The following WDR7 variants were observed in gnomAD, a reference collection of about 807,000 sequenced individuals.
WDR7 encodes WD repeat domain 7, also known as WD repeat-containing protein 7.
A neutral mutation model predicts 169.4 loss-of-function variants in WDR7; 46 were observed. The ratio of observed to expected loss-of-function variants is 0.27; its 90% confidence interval spans 0.21 to 0.35. The LOEUF (loss-of-function observed/expected upper bound fraction) is 0.35, where lower values mean the gene tolerates loss of function less well. WDR7 is among the 10% of genes least tolerant of loss of function. The pLI, the probability that WDR7 is intolerant of heterozygous loss-of-function variation, is 1.00. For missense variants in WDR7, 1,534 were observed against 1,859.3 expected (o/e 0.83, Z 3.22); for synonymous variants, 612 against 666.8 (o/e 0.92, Z 1.27).
chr18:56,754,336 T>C (rs1244334060), intron 14 of WDR7, among the ~76,000 whole-genome samples: 3 of 151,104 alleles, frequency 2.0e-5, no homozygotes, highest in African/African-American at 7.3e-5. Context: ...TATATATACG[T>C]ATATATGTGT....
chr18:56,668,040 A>G (rs532191729), intron 1 of WDR7, among the ~76,000 whole-genome samples: 16 of 151,766 alleles, frequency 1.1e-4, no homozygotes, highest in Non-Finnish European at 2.1e-4. Context: ...CTTCTGCAGA[A>G]CTCCAGTAGC....
At chr18:56,955,177 A>G (rs962144171) in intron 25 of WDR7, among the ~76,000 whole-genome samples, 1 of 152,164 alleles carries the variant, frequency 6.6e-6, no homozygotes, top group African/African-American at 2.4e-5. Context: ...TATAGAATAC[A>G]TTTCATGATA....
chr18:57,006,621 G>A (rs966743425), intron 26 of WDR7, among the ~76,000 whole-genome samples: 1 of 152,112 alleles, frequency 6.6e-6, no homozygotes, highest in Non-Finnish European at 1.5e-5. Flanking sequence ...TTTAGTGATA[G>A]GATATTCACT....
At chr18:56,804,263 T>C (rs1449526117) in intron 19 of WDR7, among the ~76,000 whole-genome samples, 2 of 152,228 alleles carry the variant, frequency 1.3e-5, no homozygotes, top group Non-Finnish European at 2.9e-5. Flanking sequence ...TGAGCCATAA[T>C]CTTGAAACAC....
At chr18:56,927,878 G>A (rs2046829006) in intron 22 of WDR7, among the ~76,000 whole-genome samples, 1 of 152,124 alleles carries the variant, frequency 6.6e-6, no homozygotes, top group African/African-American at 2.4e-5. Context: ...GACAAGATCT[G>A]CCCCAAAATA....
chr18:56,797,762 TAA>T (rs35180187), intron 19 of WDR7, among the ~76,000 whole-genome samples: 11,152 of 152,144 alleles, frequency 0.073, 483 homozygotes, highest in Middle Eastern at 0.15. Flanking sequence ...ATCTAAAAAA[TAA>T]GTCAGCTAAA....
chr18:56,800,775 T>C (rs1173475286), intron 19 of WDR7, among the ~76,000 whole-genome samples: 1 of 152,268 alleles, frequency 6.6e-6, no homozygotes, highest in African/African-American at 2.4e-5. Flanking sequence ...TCTTTTTTTC[T>C]TAAAGCACTT....
At position 57,027,529 on chromosome 18, in the gene WDR7, A is replaced by C; in HGVS notation, c.*322A>C. The C allele has an allele frequency of 2.7e-6, 1 of 374,840 alleles. No homozygotes were observed. Among genetic ancestry groups the C allele is most frequent in the East Asian group, 6.0e-5 (1 of 16,766 alleles). 23.2% of individuals were successfully genotyped at this position (374,840 alleles called of 1,614,324 possible). On this transcript the variant is annotated 3_prime_UTR_variant, in exon 28 of 28. Transcript: ENST00000254442. ...TGCTTGGTGCAACAGAAGCACAAAA[A>C]TCAATAAACACTGTGATTGCACTCC...
At chr18:56,691,619 C>T in intron 8 of WDR7, 96 bp from the exon 9 acceptor site, 1 of 1,006,220 alleles carries the variant, frequency 9.9e-7, no homozygotes, top group Non-Finnish European at 1.4e-6. Flanking sequence ...TTTAAAAATC[C>T]CCTTTTTGTC....
chr18:56,680,048 C>T (rs2025322813), intron 3 of WDR7, among the ~76,000 whole-genome samples: 1 of 152,066 alleles, frequency 6.6e-6, no homozygotes, highest in South Asian at 2.1e-4. Context: ...AGTTGGGGAA[C>T]TTGAAGAGAA....
intron 25 of WDR7, among the ~76,000 whole-genome samples, chr18:56,949,996 G>A (rs1272056330): frequency 6.6e-6 from 1 of 152,070 alleles, no homozygotes; most frequent in African/African-American, 2.4e-5. Context: ...TTGTTTTCCT[G>A]GAAAGGCTTA....
intron 26 of WDR7, among the ~76,000 whole-genome samples, chr18:56,983,553 A>G (rs980725284): frequency 1.2e-4 from 14 of 119,894 alleles, no homozygotes; most frequent in Non-Finnish European, 1.9e-4. Flanking sequence ...TCATATTTCA[A>G]TAAACACACA....
chr18:56,841,610 C>A (rs978755044), intron 20 of WDR7, among the ~76,000 whole-genome samples: 1 of 151,558 alleles, frequency 6.6e-6, no homozygotes, highest in Non-Finnish European at 1.5e-5. Context: ...GATTGATGGG[C>A]CCTAATAGAA....
chr18:56,838,018 A>G (rs970335430), intron 20 of WDR7, among the ~76,000 whole-genome samples: 10 of 152,218 alleles, frequency 6.6e-5, no homozygotes, highest in African/African-American at 2.2e-4. Flanking sequence ...GTACATTTCT[A>G]TTTAGACAGA....
Position 56,794,304 on chromosome 18 carries a change from ATTT to A in WDR7, c.3190+12669_3190+12671del, listed in dbSNP as rs566857049. Among the ~76,000 whole-genome samples the A allele has an allele frequency of 3.6e-3, 180 of 49,470 alleles. 1 individual carries two copies. Among genetic ancestry groups the A allele is most frequent in the African/African-American group, 7.7e-3 (117 of 15,176 alleles). 32.5% of individuals were successfully genotyped at this position (49,470 alleles called of 152,430 possible). On this transcript the variant is annotated intron_variant, in intron 19 of 27. Transcript: ENST00000254442. ...GTTTGTGTCTTAAAAGGTAAAGTCTATTTTTTTTTTTTTTTTTTTTTTTGAGAC... is the reference window on the plus strand; with the variant it reads ...GTTTGTGTCTTAAAAGGTAAAGTCTATTTTTTTTTTTTTTTTTTTTGAGAC...
intron 19 of WDR7, among the ~76,000 whole-genome samples, chr18:56,789,668 G>C (rs75553105): frequency 0.026 from 4,018 of 152,268 alleles, 73 homozygotes; most frequent in African/African-American, 0.051. Flanking sequence ...GGCTTGAAAG[G>C]CTTTGAAATA....
At chr18:56,772,137 A>G (rs1228524467) in intron 16 of WDR7, among the ~76,000 whole-genome samples, 2 of 151,798 alleles carry the variant, frequency 1.3e-5, no homozygotes, top group African/African-American at 4.8e-5. Flanking sequence ...AATGCAAACC[A>G]TCAGTCAAAA....
intron 20 of WDR7, among the ~76,000 whole-genome samples, chr18:56,854,899 T>A (rs185358314): frequency 1.3e-5 from 2 of 151,982 alleles, no homozygotes; most frequent in Admixed American, 1.3e-4. Flanking sequence ...TATTCCAACA[T>A]AATAACAAAA....
intron 21 of WDR7, among the ~76,000 whole-genome samples, chr18:56,900,699 A>G (rs1170340525): frequency 6.6e-6 from 1 of 152,190 alleles, no homozygotes; most frequent in Non-Finnish European, 1.5e-5. Flanking sequence ...AAAGTGGCCT[A>G]CCGCTGCCTG....
Sources: allele counts gnomAD v4.1 joint callset (sites outside exome capture counted in the v4.1 genomes callset), GRCh38; gene constraint gnomAD v4.1.1; transcripts MANE v1.5; gene names NCBI Gene and HGNC (gene_info 2026-07-23, HGNC 2026-07-21).